ITSN1: variants seen among roughly 807,000 people sequenced by gnomAD.
ITSN1 encodes intersectin 1.
Under a neutral mutation model 239.8 loss-of-function variants are expected in ITSN1, and 58 were observed. The ratio of observed to expected loss-of-function variants is 0.24; its 90% confidence interval spans 0.20 to 0.30. The LOEUF (loss-of-function observed/expected upper bound fraction) is 0.30, where lower values mean the gene tolerates loss of function less well. Among genes scored for constraint, ITSN1 ranks in the 10% least tolerant of loss-of-function variants. The pLI is 1.00. For missense variants in ITSN1, 1,558 were observed against 2,103.3 expected, an observed-to-expected ratio of 0.74 and a Z score of 5.07; for synonymous variants, 780 against 770.8, an observed-to-expected ratio of 1.01 and a Z score of -0.20.
intron 1 of ITSN1, among the ~76,000 whole-genome samples, chr21:33,680,882 C>T (rs1303427611): frequency 2.0e-5 from 3 of 152,198 alleles, no homozygotes; most frequent in Non-Finnish European, 4.4e-5. Context: ...TTAATATTCT[C>T]TGTTGTGTCA....
intron 14 of ITSN1, among the ~76,000 whole-genome samples, chr21:33,778,576 T>TGTATGTAAGTCTGTAGTATCTGTAGTGA (rs1569160574): frequency 1.7e-5 from 2 of 114,522 alleles, no homozygotes; most frequent in Admixed American, 8.4e-5. Flanking sequence ...ATTCTCTTTT[T>TGTATGTAAGTCTGTAGTATCTGTAGTGA]TTTTTTTTTT....
chr21:33,690,382 G>A (rs1016138269), intron 1 of ITSN1, among the ~76,000 whole-genome samples: 8 of 151,824 alleles, frequency 5.3e-5, no homozygotes, highest in Admixed American at 2.0e-4. Context: ...GGAGGATCAC[G>A]AGGTCAGGAG....
rs1224970954 is a variant in ITSN1 at position 33,883,204 on chromosome 21, C to T, written c.4555-346C>T. 2.6e-5 allele frequency among the ~76,000 whole-genome samples: 4 copies of T among 152,216 alleles called. No homozygotes were observed. The South Asian group carries it at 8.3e-4, about 32-fold the overall frequency. On this transcript the variant is annotated intron_variant, in intron 35 of 39. Transcript: ENST00000381318. Reference sequence around the variant, plus strand: ...AAAGCGACACCAGCCAGATCTTATTCTGAAAGACTTAAAACATACCCGCAA... The same window carrying T: ...AAAGCGACACCAGCCAGATCTTATTTTGAAAGACTTAAAACATACCCGCAA...
Position 33,802,331 on chromosome 21 carries a change from C to T in ITSN1, c.2305-99C>T, listed in dbSNP as rs556076034. The T allele has an allele frequency of 2.8e-5, 34 of 1,211,712 alleles. No homozygotes were observed. The East Asian group carries it at 7.5e-4, about 27-fold the overall frequency. The allele number at this position is 1,211,712 out of a possible 1,614,324, so 75.1% of individuals were successfully genotyped here. ...CTCGAATTGGCTAGTTAACCACCAG[C>T]TTGATGAGATGCGTAGAGTTTAGAT... On this transcript the variant is annotated intron_variant, in intron 19 of 39. Coordinates refer to ENST00000381318, the MANE Select transcript of ITSN1 (RefSeq NM_003024.3).
At chr21:33,684,305 A>AT in intron 1 of ITSN1, among the ~76,000 whole-genome samples, 1 of 152,184 alleles carries the variant, frequency 6.6e-6, no homozygotes, top group Non-Finnish European at 1.5e-5. Context: ...TAGAGACTAA[A>AT]TTGATCTTGA....
chr21:33,747,456 T>C (rs1304899868), intron 5 of ITSN1, among the ~76,000 whole-genome samples: 1 of 151,572 alleles, frequency 6.6e-6, no homozygotes, highest in Non-Finnish European at 1.5e-5. Context: ...CCAAATTTGG[T>C]GAAAAGCAAT....
At position 33,735,048 on chromosome 21, in the gene ITSN1, C is replaced by T. The variant is rs1288657546; in HGVS notation, c.190C>T (p.Leu64=). ...PQPVLAQIWA[L]ADMNNDGRMD... ...GGCCATGCTGTTGGTTTGCAGGGCA[C>T]TAGCTGACATGAATAATGATGGAAG... Residue 64 remains leucine (L), a synonymous_variant, in exon 5 of 40, where the codon CTA becomes TTA. Transcript: ENST00000381318. 4 of 1,610,658 alleles carry T rather than the reference C, an allele frequency of 2.5e-6. No individual in the cohort carries two copies. Among genetic ancestry groups the T allele is most frequent in the Non-Finnish European group, 2.5e-6 (3 of 1,178,744 alleles).
intron 1 of ITSN1, among the ~76,000 whole-genome samples, chr21:33,659,043 G>A (rs1439813957): frequency 6.6e-6 from 1 of 152,146 alleles, no homozygotes; most frequent in Non-Finnish European, 1.5e-5. Flanking sequence ...TGGAGGGTTG[G>A]AACTTTCAGC....
At chr21:33,844,640 G>A (rs1013797201) in intron 29 of ITSN1, among the ~76,000 whole-genome samples, 3 of 152,118 alleles carry the variant, frequency 2.0e-5, no homozygotes, top group African/African-American at 7.2e-5. Context: ...CCCACTGTGT[G>A]CACCCCCAAG....
At chr21:33,792,047 A>G (rs1243855030) in intron 16 of ITSN1, among the ~76,000 whole-genome samples, 1 of 152,006 alleles carries the variant, frequency 6.6e-6, no homozygotes, top group Non-Finnish European at 1.5e-5. Flanking sequence ...TAAATACTTT[A>G]TTTGTTTGTT....
intron 21 of ITSN1, 34 bp from the exon 22 acceptor site, chr21:33,813,879 C>G: frequency 6.3e-7 from 1 of 1,591,422 alleles, no homozygotes; most frequent in Middle Eastern, 1.7e-4. Context: ...TTAGGGAGTG[C>G]TTGTTATTCA....
intron 29 of ITSN1, among the ~76,000 whole-genome samples, chr21:33,854,429 C>A (rs1978920574): frequency 6.6e-6 from 1 of 152,244 alleles, no homozygotes; most frequent in East Asian, 1.9e-4. Flanking sequence ...GGGCTGCATT[C>A]AGCCCTTCAA....
chr21:33,758,415 T>G (rs1052957489), intron 8 of ITSN1, among the ~76,000 whole-genome samples: 1 of 152,228 alleles, frequency 6.6e-6, no homozygotes, highest in African/African-American at 2.4e-5. Context: ...GCGTCTGGCC[T>G]TAATAGTGGC....
intron 2 of ITSN1, among the ~76,000 whole-genome samples, chr21:33,719,935 G>A (rs1197876102): frequency 2.0e-5 from 3 of 151,992 alleles, no homozygotes; most frequent in Non-Finnish European, 2.9e-5. Context: ...TCATATTAAC[G>A]GATTACTCTT....
chr21:33,764,407 G>T (rs2068577154), intron 9 of ITSN1, among the ~76,000 whole-genome samples: 1 of 152,040 alleles, frequency 6.6e-6, no homozygotes, highest in South Asian at 2.1e-4. Flanking sequence ...AGGAAGAGCG[G>T]GCAGGGGTTT....
At chr21:33,689,053 TCCAC>T (rs1185395440) in intron 1 of ITSN1, among the ~76,000 whole-genome samples, 1 of 152,100 alleles carries the variant, frequency 6.6e-6, no homozygotes, top group Non-Finnish European at 1.5e-5. Flanking sequence ...CCTCAGGTGA[TCCAC>T]CCACCTCGGC....
At chr21:33,854,301 C>T (rs772464882) in intron 29 of ITSN1, among the ~76,000 whole-genome samples, 19 of 152,210 alleles carry the variant, frequency 1.2e-4, no homozygotes, top group Non-Finnish European at 2.4e-4. Flanking sequence ...CGTGTTTGTG[C>T]AGTGACTTTT....
chr21:33,749,972 A>T, intron 5 of ITSN1, 171 bp from the exon 6 acceptor site: 6 of 638,170 alleles, frequency 9.4e-6, no homozygotes, highest in Non-Finnish European at 1.7e-5. Context: ...TTTTGATGTG[A>T]TCCTTGACAT....
Position 33,802,276 on chromosome 21 carries a change from T to C in ITSN1, c.2305-154T>C, listed in dbSNP as rs114984419. 3.4e-3 allele frequency among the ~76,000 whole-genome samples: 512 copies of C among 152,354 alleles called. 4 individuals are homozygous for C. The highest frequency in any genetic ancestry group is 0.012 in the African/African-American group (497 of 41,584). On this transcript the variant is annotated intron_variant, in intron 19 of 39. Coordinates refer to ENST00000381318, the MANE Select transcript of ITSN1 (RefSeq NM_003024.3). ...TTTCGGGAACATATCTGGGCTTCAC[T>C]TGTAATCCTAGGCCTGTTGAAACCT... is the stretch of plus-strand genomic sequence containing the variant.
Sources: allele counts gnomAD v4.1 joint callset (sites outside exome capture counted in the v4.1 genomes callset), GRCh38; gene constraint gnomAD v4.1.1; transcripts MANE v1.5; gene names NCBI Gene and HGNC (gene_info 2026-07-23, HGNC 2026-07-21).